PIGR: variants seen among roughly 807,000 people sequenced by gnomAD.
The protein encoded by PIGR is polymeric immunoglobulin receptor.
A neutral mutation model predicts 69.5 loss-of-function variants in PIGR; 22 were observed. The ratio of observed to expected loss-of-function variants is 0.32; its 90% CI spans 0.23 to 0.45. The LOEUF (loss-of-function observed/expected upper bound fraction) is 0.45. Ranked by LOEUF, PIGR falls within the 20% of genes least tolerant of loss-of-function variation. The probability of loss-of-function intolerance (pLI) is 1.00; values close to 1 mark genes in which losing one functional copy is unlikely to be tolerated. For missense variants in PIGR, 885 were observed against 974.0 expected (o/e 0.91, Z 1.22); for synonymous variants, 413 against 407.6 (o/e 1.01, Z -0.16).
At position 206,934,579 on chromosome 1, in the gene PIGR, C is replaced by T. The variant is rs760651677; in HGVS notation, c.1546G>A (p.Ala516Thr). Reference sequence around the variant, plus strand: ...CTGTTCTCGTCACAGTTCACGAAGGCCTTGCTGGGGCCTTCGTCTTGGCTG... The same window carrying T: ...CTGTTCTCGTCACAGTTCACGAAGGTCTTGCTGGGGCCTTCGTCTTGGCTG... The part of the protein sequence containing the change: ...LPSQDEGPSK[A>T]FVNCDENSRL... The change falls in exon 6 of 11, where the codon GCC becomes ACC. Residue 516 changes from alanine (A) to threonine (T), a missense_variant. Physicochemically the swap from Ala to Thr is moderately conservative, Grantham distance 58. Coordinates refer to ENST00000356495, the MANE Select transcript of PIGR (RefSeq NM_002644.4). The T allele has an allele frequency of 2.5e-6, 4 of 1,614,246 alleles. No individual in the cohort carries two copies. The South Asian group carries it at 4.4e-5, about 18-fold the overall frequency.
At chr1:206,933,716 T>C (rs781604546) in intron 6 of PIGR, among the ~76,000 whole-genome samples, 8 of 152,238 alleles carry the variant, frequency 5.3e-5, no homozygotes, top group Non-Finnish European at 1.0e-4. Flanking sequence ...TGAAGGTATC[T>C]GGCCCTCTTT....
At chr1:206,933,509 T>C (rs1249465400) in intron 6 of PIGR, among the ~76,000 whole-genome samples, 1 of 152,182 alleles carries the variant, frequency 6.6e-6, no homozygotes, top group Non-Finnish European at 1.5e-5. Flanking sequence ...CTGGGTATGA[T>C]AGTGCTGCCC....
rs754423556 is a variant in PIGR at position 206,932,537 on chromosome 1, T to C, written c.1927A>G (p.Thr643Ala). 6.2e-7 allele frequency: 1 copy of C among 1,613,758 alleles called. No individual in the cohort carries two copies. Among genetic ancestry groups the C allele is most frequent in the Non-Finnish European group, 8.5e-7 (1 of 1,179,968 alleles). Residue 643 changes from threonine (T) to alanine (A), a missense_variant, in exon 8 of 11, where the codon ACC (threonine) becomes GCC (alanine). Coordinates refer to ENST00000356495, the MANE Select transcript of PIGR (RefSeq NM_002644.4). ...AGCACCAGGCCCAGGGGCACCAGGG[T>C]GGAGACCAGCGCTCTGGAGCTTCCA... is the stretch of plus-strand genomic sequence containing the variant. ...QGGSSRALVS[T>A]LVPLGLVLAV...
Position 206,937,186 on chromosome 1 carries a change from C to A in PIGR, c.954G>T (p.Glu318Asp), listed in dbSNP as rs765517009. The stretch of plus-strand genomic sequence containing the variant: ...CTCCACACAGGTAGCGCCCTGCATC[C>A]TCCTTCCTCAGGCCTGTGATCACCA... ...FSVVITGLRK[E>D]DAGRYLCGAH... Residue 318 changes from glutamate (E) to aspartate (D), a missense_variant, in exon 4 of 11, where the codon GAG becomes GAT. By Grantham distance (45) the Glu-to-Asp change is conservative. Transcript: ENST00000356495. 1 of 1,614,218 alleles carries A rather than the reference C, an allele frequency of 6.2e-7. No individual in the cohort carries two copies. The highest frequency in any genetic ancestry group is 1.3e-5 in the African/African-American group (1 of 75,066).
At chr1:206,932,375 G>A in intron 8 of PIGR, 81 bp downstream of exon 8, 1 of 1,436,928 alleles carries the variant, frequency 7.0e-7, no homozygotes, top group Non-Finnish European at 9.3e-7. Flanking sequence ...AAGAGACACA[G>A]CAGCTTCCTC....
At chr1:206,941,102 G>A (rs1404591772) in intron 1 of PIGR, among the ~76,000 whole-genome samples, 1 of 152,168 alleles carries the variant, frequency 6.6e-6, no homozygotes, top group Non-Finnish European at 1.5e-5. Context: ...CCCATTGATT[G>A]CTCCCTTATT....
Position 206,930,229 on chromosome 1 carries a change from G to T in PIGR, c.*89C>A. 2 of 1,137,398 alleles carry T rather than the reference G, an allele frequency of 1.8e-6. No individual in the cohort carries two copies. Among genetic ancestry groups the T allele is most frequent in the Middle Eastern group, 2.7e-4 (1 of 3,710 alleles). 70.5% of individuals were successfully genotyped at this position (1,137,398 alleles called of 1,614,324 possible). ...AAACCTAGGCAGGTGTTAGAGCAGG[G>T]AGTGGGGTCCCCAGGAGCTGAGGGC... On this transcript the variant is annotated 3_prime_UTR_variant, in exon 11 of 11. Coordinates refer to ENST00000356495, the MANE Select transcript of PIGR (RefSeq NM_002644.4). The surrounding 1 kb of genome is among the most constrained non-coding windows in gnomAD (Gnocchi z 4.3).
rs868616141 is a variant in PIGR, at chr1:206,930,626, G to A, written c.2200-213C>T. On this transcript the variant is annotated intron_variant, in intron 10 of 10. Coordinates refer to ENST00000356495, the MANE Select transcript of PIGR (RefSeq NM_002644.4). This position sits in a 1 kb window ranked among gnomAD's most constrained non-coding sequence, Gnocchi z 4.3. ...GCAGCCTCTAAAAATATCTTCTTCT[G>A]TCTCACTACCTCCTTCTGACACACG... 1 of 985,370 alleles carries A rather than the reference G, an allele frequency of 1.0e-6. No individual in the cohort carries two copies. The allele number at this position is 985,370 out of a possible 1,614,324, so 61.0% of individuals were successfully genotyped here.
chr1:206,943,004 C>G (rs1008419510), intron 1 of PIGR, among the ~76,000 whole-genome samples: 5 of 152,186 alleles, frequency 3.3e-5, no homozygotes, highest in Non-Finnish European at 7.3e-5. Flanking sequence ...GGACCTCGAG[C>G]TTTCAGAATC....
intron 7 of PIGR, 139 bp downstream of exon 7, chr1:206,932,847 C>T (rs1679783981): frequency 2.3e-6 from 2 of 878,404 alleles, no homozygotes; most frequent in Middle Eastern, 3.0e-4. Flanking sequence ...TAGGACCCTC[C>T]CACATATAAG....
In PIGR at chr1:206,930,115, C is replaced by CA; in HGVS notation, c.*202dup. 1 of 452,050 alleles carries CA rather than the reference C, an allele frequency of 2.2e-6. No homozygotes were observed. The highest frequency in any genetic ancestry group is 3.9e-6 in the Non-Finnish European group (1 of 257,044). 28.0% of individuals were successfully genotyped at this position (452,050 alleles called of 1,614,324 possible). On this transcript the variant is annotated 3_prime_UTR_variant, in exon 11 of 11. Coordinates refer to ENST00000356495, the MANE Select transcript of PIGR (RefSeq NM_002644.4). This position sits in a 1 kb window ranked among gnomAD's most constrained non-coding sequence, Gnocchi z 4.3. ...AAAGAAGTTGCAAGTGGGACCTCCT[C>CA]ATGCCACCCTCATCCCCAATAGGAA...
chr1:206,935,695 G>A lies in PIGR; in HGVS notation c.1169C>T (p.Ala390Val). 3.1e-6 allele frequency: 5 copies of A among 1,614,040 alleles called. No homozygotes were observed. Among genetic ancestry groups the A allele is most frequent in the Non-Finnish European group, 4.2e-6 (5 of 1,180,010 alleles). ...CAGCAGGGGGCAGCGGCCATTCTGGGCCCCTTCCCAGAGACACCAGTACTT... is the reference window on the plus strand; with the variant it reads ...CAGCAGGGGGCAGCGGCCATTCTGGACCCCTTCCCAGAGACACCAGTACTT... ...SIKYWCLWEG[A>V]QNGRCPLLVD... Residue 390 changes from alanine (A) to valine (V), a missense_variant, in exon 5 of 11, where the codon GCC becomes GTC. By Grantham distance (64) the Ala-to-Val change is moderately conservative. Transcript: ENST00000356495. The surrounding 1 kb of genome is among the most constrained non-coding windows in gnomAD (Gnocchi z 4.4).
Position 206,935,084 on chromosome 1 carries a change from T to C in PIGR, c.1379-338A>G, listed in dbSNP as rs1052354409. ...TGTTATTCTGACTACAGAAGAAATGTAATTGTGTGCCTAGGTAATAATTAT... is the reference window on the plus strand; with the variant it reads ...TGTTATTCTGACTACAGAAGAAATGCAATTGTGTGCCTAGGTAATAATTAT... On this transcript the variant is annotated intron_variant, in intron 5 of 10. Coordinates refer to ENST00000356495, the MANE Select transcript of PIGR (RefSeq NM_002644.4). This position sits in a 1 kb window ranked among gnomAD's most constrained non-coding sequence, Gnocchi z 4.4. Among the ~76,000 whole-genome samples, 2 of 152,206 alleles carry C rather than the reference T, an allele frequency of 1.3e-5. No individual in the cohort carries two copies. Among genetic ancestry groups the C allele is most frequent in the Non-Finnish European group, 2.9e-5 (2 of 68,038 alleles).
At chr1:206,945,109 T>C (rs182883762) in intron 1 of PIGR, among the ~76,000 whole-genome samples, 1 of 152,322 alleles carries the variant, frequency 6.6e-6, no homozygotes, top group African/African-American at 2.4e-5. Flanking sequence ...GGCTCAGTGT[T>C]CTTTCTGCTA....
In PIGR at chr1:206,935,688, A is replaced by G. The variant is rs1679849097; in HGVS notation, c.1176T>C (p.Asn392=). The change falls in exon 5 of 11, where the codon AAT becomes AAC. Residue 392 remains asparagine, a synonymous_variant. Coordinates refer to ENST00000356495, the MANE Select transcript of PIGR (RefSeq NM_002644.4). This position sits in a 1 kb window ranked among gnomAD's most constrained non-coding sequence, Gnocchi z 4.4. ...KYWCLWEGAQ[N]GRCPLLVDSE... ...TGTCCACCAGCAGGGGGCAGCGGCC[A>G]TTCTGGGCCCCTTCCCAGAGACACC... 1 of 1,613,866 alleles carries G rather than the reference A, an allele frequency of 6.2e-7. No individual in the cohort carries two copies. Among genetic ancestry groups the G allele is most frequent in the Non-Finnish European group, 8.5e-7 (1 of 1,179,972 alleles).
chr1:206,935,731 C>T lies in PIGR; in HGVS notation c.1133G>A (p.Ser378Asn), dbSNP rs1382613772. ...AVLCPYNRKE[S>N]KSIKYWCLWE... ...GAGACACCAGTACTTGATGCTTTTG[C>T]TTTCCTTACGGTTGTAGGGGCAGAG... Residue 378 changes from serine (S) to asparagine (N), a missense_variant, in exon 5 of 11, where the codon AGC becomes AAC. Transcript: ENST00000356495. This position sits in a 1 kb window ranked among gnomAD's most constrained non-coding sequence, Gnocchi z 4.4. The T allele has an allele frequency of 1.2e-6, 2 of 1,614,174 alleles. No homozygotes were observed. Among genetic ancestry groups the T allele is most frequent in the Non-Finnish European group, 1.7e-6 (2 of 1,180,032 alleles).
Position 206,935,797 on chromosome 1 carries a change from G to A in PIGR, c.1067C>T (p.Pro356Leu). ...TCCTGCCACCCCCTTCACCACAGTG[G>A]GGCTGCGGGGAATCGTGGACTCTGG... ...VNEESTIPRS[P>L]TVVKGVAGGS... Residue 356 changes from proline to leucine, a missense_variant, in exon 5 of 11, where the codon CCC becomes CTC. Pro to Leu is a moderately conservative substitution (Grantham distance 98). Transcript: ENST00000356495. This position sits in a 1 kb window ranked among gnomAD's most constrained non-coding sequence, Gnocchi z 4.4. 6.2e-7 allele frequency: 1 copy of A among 1,604,302 alleles called. No individual in the cohort carries two copies. Among genetic ancestry groups the A allele is most frequent in the Non-Finnish European group, 8.5e-7 (1 of 1,172,462 alleles).
chr1:206,930,170 G>A lies in PIGR; in HGVS notation c.*148C>T, dbSNP rs1679704772. 1 of 556,038 alleles carries A rather than the reference G, an allele frequency of 1.8e-6. No individual in the cohort carries two copies. The highest frequency in any genetic ancestry group is 3.0e-6 in the Non-Finnish European group (1 of 330,272). The allele number at this position is 556,038 out of a possible 1,614,324, so 34.4% of individuals were successfully genotyped here. ...TAGGCCAGGCTTTGATGTCACTGAG[G>A]AGGGGACCAGCACGCCTCTGAGGAC... On this transcript the variant is annotated 3_prime_UTR_variant, in exon 11 of 11. Coordinates refer to ENST00000356495, the MANE Select transcript of PIGR (RefSeq NM_002644.4). The surrounding 1 kb of genome is among the most constrained non-coding windows in gnomAD (Gnocchi z 4.3).
In PIGR at chr1:206,937,220, G is replaced by A; in HGVS notation, c.920C>T (p.Ser307Leu). Residue 307 changes from serine (S) to leucine (L), a missense_variant, in exon 4 of 11, where the codon TCA becomes TTA. Coordinates refer to ENST00000356495, the MANE Select transcript of PIGR (RefSeq NM_002644.4). Reference sequence around the variant, plus strand: ...CAGGCCTGTGATCACCACACTGAATGAGCCATCCTTGTCCTGGGGGTTGAG... The same window carrying A: ...CAGGCCTGTGATCACCACACTGAATAAGCCATCCTTGTCCTGGGGGTTGAG... The part of the protein sequence containing the change: ...ILLNPQDKDG[S>L]FSVVITGLRK... 6.2e-7 allele frequency: 1 copy of A among 1,614,170 alleles called. No homozygotes were observed. The highest frequency in any genetic ancestry group is 8.5e-7 in the Non-Finnish European group (1 of 1,180,040).
Sources: allele counts gnomAD v4.1 joint callset (sites outside exome capture counted in the v4.1 genomes callset), GRCh38; gene constraint gnomAD v4.1.1; non-coding constraint Gnocchi (gnomAD v3.1); transcripts MANE v1.5; gene names NCBI Gene and HGNC (gene_info 2026-07-23, HGNC 2026-07-21).